The following DNAH7 variants were observed in gnomAD, a reference collection of about 807,000 sequenced individuals.
DNAH7 encodes dynein axonemal heavy chain 7.
DNAH7 carries 397 observed loss-of-function variants against 444.6 expected under a neutral mutation model. That is an observed-to-expected ratio of 0.89 (90% CI 0.82 to 0.97). The LOEUF (loss-of-function observed/expected upper bound fraction) is 0.97, where lower values mean the gene tolerates loss of function less well. DNAH7 is among the 50% of genes least tolerant of loss of function. The probability of loss-of-function intolerance (pLI) is 0.00; values close to 1 mark genes in which losing one functional copy is unlikely to be tolerated. For missense variants in DNAH7, 4,902 were observed against 4,800.8 expected (o/e 1.02, Z -0.62); for synonymous variants, 1,636 against 1,624.4 (o/e 1.01, Z -0.17).
intron 63 of DNAH7, among the ~76,000 whole-genome samples, chr2:195,745,426 ACT>A (rs1338906203): frequency 1.3e-5 from 2 of 152,244 alleles, no homozygotes; most frequent in East Asian, 1.9e-4. Flanking sequence ...GTTGGAAAAC[ACT>A]CTGCAGGATG....
chr2:195,838,462 AG>A (rs1698499134), intron 47 of DNAH7, among the ~76,000 whole-genome samples: 1 of 152,034 alleles, frequency 6.6e-6, no homozygotes, highest in Admixed American at 6.6e-5. Context: ...CATTCTCAGG[AG>A]AAAAAAAAAC....
chr2:195,981,073 T>C (rs1027332364), intron 15 of DNAH7, among the ~76,000 whole-genome samples: 1 of 152,050 alleles, frequency 6.6e-6, no homozygotes, highest in African/African-American at 2.4e-5. Context: ...TTGCAGATAA[T>C]ATATTATATT....
chr2:195,774,467 T>C (rs1574410760), intron 60 of DNAH7, among the ~76,000 whole-genome samples: 1 of 123,744 alleles, frequency 8.1e-6, no homozygotes. Flanking sequence ...TACTAATGAA[T>C]AGTCCACATT....
At chr2:195,918,074 A>T (rs190141003) in intron 24 of DNAH7, among the ~76,000 whole-genome samples, 1 of 152,346 alleles carries the variant, frequency 6.6e-6, no homozygotes, top group East Asian at 1.9e-4. Flanking sequence ...TACAAAGAAC[A>T]CTTAAAACTT....
chr2:195,769,722 CT>C (rs1694747559), intron 61 of DNAH7, among the ~76,000 whole-genome samples: 1 of 152,132 alleles, frequency 6.6e-6, no homozygotes, highest in South Asian at 2.1e-4. Context: ...CAGCTTCTTT[CT>C]TTGGCCTCTC....
intron 15 of DNAH7, among the ~76,000 whole-genome samples, chr2:195,982,367 T>C (rs774618580): frequency 6.6e-5 from 10 of 152,192 alleles, no homozygotes; most frequent in Non-Finnish European, 1.5e-4. Flanking sequence ...GGGAACCCTC[T>C]TACACTGGTG....
At chr2:196,058,006 A>C (rs371420669) in intron 2 of DNAH7, 48 bp downstream of exon 2, 11 of 1,341,532 alleles carry the variant, frequency 8.2e-6, no homozygotes, top group Non-Finnish European at 1.1e-5. Context: ...AGTAGTAAAC[A>C]AACATTATCA....
In DNAH7 at chr2:195,989,050, G is replaced by GTA. The variant is rs201403083; in HGVS notation, c.1354-823_1354-822dup. Reference sequence around the variant, plus strand: ...CTATAGCTGAATTGTATTCCACTGTGTATATATATATCATGTTTTCTTTAT... The same window carrying GTA: ...CTATAGCTGAATTGTATTCCACTGTGTATATATATATATCATGTTTTCTTTAT... On this transcript the variant is annotated intron_variant, in intron 12 of 64. Transcript: ENST00000312428. Among the ~76,000 whole-genome samples the GTA allele has an allele frequency of 1.1e-3, 165 of 152,098 alleles. 2 individuals carry two copies. In the East Asian group the frequency reaches 0.022, roughly 20 times the overall value.
rs2124852213 is a variant in DNAH7, at chr2:195,808,672, T to G, written c.10083+10A>C. ...AAAACATTGGAATAAGTGAGAGGGT[T>G]AAAACATACCAAACTATCATATACT... is the stretch of plus-strand genomic sequence containing the variant. On this transcript the variant is annotated intron_variant, in intron 53 of 64. Coordinates refer to ENST00000312428, the MANE Select transcript of DNAH7 (RefSeq NM_018897.3). 6.2e-7 allele frequency: 1 copy of G among 1,613,208 alleles called. No individual in the cohort carries two copies. The highest frequency in any genetic ancestry group is 2.2e-5 in the East Asian group (1 of 44,852).
At chr2:196,022,436 A>G (rs983026691) in intron 8 of DNAH7, among the ~76,000 whole-genome samples, 5 of 152,206 alleles carry the variant, frequency 3.3e-5, no homozygotes, top group Non-Finnish European at 1.5e-5. Context: ...TTATCAACTA[A>G]GCTTATGTAA....
chr2:196,063,611 C>T (rs964118087), intron 1 of DNAH7: 3 of 152,274 alleles, frequency 2.0e-5, no homozygotes, highest in African/African-American at 7.2e-5. Flanking sequence ...CACAACTGAG[C>T]AAGGTTCTCC....
rs1198664361 is a variant in DNAH7, at chr2:195,778,669, T to TACAC, written c.10879-688_10879-685dup. ...ATATATATATATATATATATATATATACACACACACACATATATATACACA... is the reference window on the plus strand; with the variant it reads ...ATATATATATATATATATATATATATACACACACACACACACATATATATACACA... On this transcript the variant is annotated intron_variant, in intron 58 of 64. Coordinates refer to ENST00000312428, the MANE Select transcript of DNAH7 (RefSeq NM_018897.3). 7.7e-4 allele frequency among the ~76,000 whole-genome samples: 49 copies of TACAC among 64,006 alleles called. 2 individuals carry two copies. Among genetic ancestry groups the TACAC allele is most frequent in the African/African-American group, 1.5e-3 (19 of 12,820 alleles). The allele number at this position is 64,006 out of a possible 152,430, so 42.0% of individuals were successfully genotyped here.
intron 19 of DNAH7, among the ~76,000 whole-genome samples, chr2:195,946,720 TCCCTCCCTTC>T (rs1689834504): frequency 6.6e-6 from 1 of 152,006 alleles, no homozygotes; most frequent in African/African-American, 2.4e-5. Flanking sequence ...TCTCTCCCCA[TCCCTCCCTTC>T]CTCCTTCTCT....
intron 17 of DNAH7, among the ~76,000 whole-genome samples, chr2:195,964,528 T>G (rs1229418572): frequency 1.9e-5 from 2 of 105,810 alleles, no homozygotes; most frequent in Admixed American, 9.8e-5. Flanking sequence ...TTCTAATAGT[T>G]TTTTTTTTTT....
intron 19 of DNAH7, among the ~76,000 whole-genome samples, chr2:195,937,685 C>A (rs1371884439): frequency 1.3e-5 from 2 of 152,124 alleles, no homozygotes; most frequent in South Asian, 2.1e-4. Context: ...AAATAGAATT[C>A]TTTTTACTTT....
chr2:195,879,153 ACT>A (rs1159320967), intron 36 of DNAH7, among the ~76,000 whole-genome samples: 3 of 152,182 alleles, frequency 2.0e-5, no homozygotes, highest in African/African-American at 7.2e-5. Flanking sequence ...CAAAAGTATG[ACT>A]CATTATGACA....
At chr2:195,926,612 G>A (rs750763204) in intron 21 of DNAH7, 46 bp from the exon 22 acceptor site, 14 of 1,512,300 alleles carry the variant, frequency 9.3e-6, no homozygotes, top group South Asian at 1.3e-5. Context: ...TCCTGAACAA[G>A]TTATACAATT....
At chr2:195,850,251 G>T (rs1416431859) in intron 46 of DNAH7, among the ~76,000 whole-genome samples, 4 of 150,802 alleles carry the variant, frequency 2.7e-5, no homozygotes, top group African/African-American at 9.8e-5. Context: ...ATCAGGTGAT[G>T]AGCTAGATGG....
chr2:195,754,203 T>C, intron 63 of DNAH7, 134 bp downstream of exon 63: 1 of 966,478 alleles, frequency 1.0e-6, no homozygotes, highest in Admixed American at 2.8e-5. Context: ...ATCTCAATAA[T>C]TTTTTTCTCT....
Sources: gnomAD v4.1 joint callset for allele counts (sites outside exome capture counted in the v4.1 genomes callset) on GRCh38, gnomAD v4.1.1 for gene constraint, MANE v1.5 for transcripts, NCBI Gene and HGNC (gene_info 2026-07-23, HGNC 2026-07-21) for gene names.